SCD: variants seen among roughly 807,000 people sequenced by gnomAD.
SCD encodes the protein acyl-CoA desaturase.
SCD carries 4 observed loss-of-function variants against 35.7 expected under a neutral mutation model. The ratio of observed to expected loss-of-function variants is 0.11; its 90% CI spans 0.06 to 0.26. The LOEUF (loss-of-function observed/expected upper bound fraction) is 0.26. SCD is among the 10% of genes least tolerant of loss of function. SCD has a pLI of 1.00. For synonymous variants in SCD, 150 were observed against 170.2 expected (o/e 0.88, Z 0.92); for missense variants, 282 against 460.7 (o/e 0.61, Z 3.55).
chr10:100,355,480 T>C (rs768904281), intron 4 of SCD, among the ~76,000 whole-genome samples: 1 of 152,200 alleles, frequency 6.6e-6, no homozygotes, highest in Non-Finnish European at 1.5e-5. Flanking sequence ...CTAATGCCAT[T>C]CTTGTCGAGT....
In SCD at chr10:100,359,368, T is replaced by C. The variant is rs117182107; in HGVS notation, c.881-1366T>C. Among the ~76,000 whole-genome samples, 4 of 152,300 alleles carry C rather than the reference T, an allele frequency of 2.6e-5. No individual in the cohort carries two copies. In the East Asian group the frequency reaches 7.7e-4, roughly 29 times the overall value. On this transcript the variant is annotated intron_variant, in intron 5 of 5. Coordinates refer to ENST00000370355, the MANE Select transcript of SCD (RefSeq NM_005063.5). The stretch of plus-strand genomic sequence containing the variant: ...TTAACCTTCTCCCTTGAGCCTTTCT[T>C]GGGCTGTCTCTTGCTGCCCCAGTTG...
intron 2 of SCD, among the ~76,000 whole-genome samples, chr10:100,348,574 T>C (rs1338195320): frequency 8.5e-6 from 1 of 117,290 alleles, no homozygotes; most frequent in East Asian, 2.6e-4. Context: ...CTTGTGCTTG[T>C]GGGCTTTGAA....
At chr10:100,357,819 G>A (rs1262701037) in intron 5 of SCD, among the ~76,000 whole-genome samples, 1 of 151,944 alleles carries the variant, frequency 6.6e-6, no homozygotes, top group Non-Finnish European at 1.5e-5. Context: ...CCAAGGCCCT[G>A]AATGAATTTT....
At chr10:100,354,942 G>GTT (rs1849912689) in intron 4 of SCD, among the ~76,000 whole-genome samples, 2 of 152,114 alleles carry the variant, frequency 1.3e-5, no homozygotes, top group African/African-American at 4.8e-5. Context: ...TTGTTTTTGT[G>GTT]TTTGTGTTTC....
chr10:100,353,361 A>G (rs11190481), intron 3 of SCD, among the ~76,000 whole-genome samples: 17,331 of 152,118 alleles, frequency 0.11, 1,582 homozygotes, highest in African/African-American at 0.26. Context: ...CGAGGTGGGC[A>G]GATCACAAGG....
intron 5 of SCD, among the ~76,000 whole-genome samples, chr10:100,360,113 G>T (rs1849974620): frequency 6.6e-6 from 1 of 152,316 alleles, no homozygotes; most frequent in African/African-American, 2.4e-5. Flanking sequence ...CCTTTCTTCT[G>T]ATCTTTGGCT....
chr10:100,360,435 G>A (rs1025395866), intron 5 of SCD, among the ~76,000 whole-genome samples: 1 of 152,182 alleles, frequency 6.6e-6, no homozygotes, highest in Admixed American at 6.5e-5. Context: ...CACTCCTTAA[G>A]ATGCCTTTGA....
At chr10:100,353,582 CAAAAAA>C (rs35108206) in intron 3 of SCD, among the ~76,000 whole-genome samples, 1 of 106,444 alleles carries the variant, frequency 9.4e-6, no homozygotes, top group East Asian at 2.6e-4. Flanking sequence ...GACTCCATCT[CAAAAAA>C]AAAAAAAAAA....
intron 3 of SCD, among the ~76,000 whole-genome samples, chr10:100,353,521 C>G (rs3793765): frequency 0.1 from 14,878 of 148,212 alleles, 801 homozygotes; most frequent in East Asian, 0.15. Context: ...GGAGGCAGAG[C>G]TTGCAGTGAG....
chr10:100,352,225 A>T lies in SCD; in HGVS notation c.311-141A>T, dbSNP rs1849879523. On this transcript the variant is annotated intron_variant, in intron 2 of 5. Coordinates refer to ENST00000370355, the MANE Select transcript of SCD (RefSeq NM_005063.5). This position sits in a 1 kb window ranked among gnomAD's most constrained non-coding sequence, Gnocchi z 4.2. The stretch of plus-strand genomic sequence containing the variant: ...GTGGTAAAATCTAAGGGATGTGGTT[A>T]TCCCTAGAGTTCATGGTAAAGCCAG... The T allele has an allele frequency of 1.4e-6, 1 of 694,330 alleles. No homozygotes were observed. Among genetic ancestry groups the T allele is most frequent in the East Asian group, 2.8e-5 (1 of 35,512 alleles). 43.0% of individuals were successfully genotyped at this position (694,330 alleles called of 1,614,324 possible).
chr10:100,355,205 C>A (rs1398506268), intron 4 of SCD, among the ~76,000 whole-genome samples: 1 of 152,160 alleles, frequency 6.6e-6, no homozygotes, highest in African/African-American at 2.4e-5. Flanking sequence ...AGCCAAGTAT[C>A]CAGATAACCA....
At chr10:100,353,894 A>G (rs1338951678) in intron 3 of SCD, among the ~76,000 whole-genome samples, 1 of 152,252 alleles carries the variant, frequency 6.6e-6, no homozygotes, top group African/African-American at 2.4e-5. Context: ...GAAGAAGCCC[A>G]GAGGTCGTTT....
chr10:100,357,865 A>G (rs1849944667), intron 5 of SCD, among the ~76,000 whole-genome samples: 1 of 152,156 alleles, frequency 6.6e-6, no homozygotes, highest in Non-Finnish European at 1.5e-5. Flanking sequence ...CTTTCCAGTA[A>G]TTGGTGCTAT....
rs1850024196 is a variant in SCD, at chr10:100,364,745, A to G, written c.*3812A>G. ...CTTGTGACAAGAATAATTTTGGAAT[A>G]ATTTCTATTAATATCAACTCTGAAG... is the stretch of plus-strand genomic sequence containing the variant. On this transcript the variant is annotated 3_prime_UTR_variant, in exon 6 of 6. Coordinates refer to ENST00000370355, the MANE Select transcript of SCD (RefSeq NM_005063.5). The G allele has an allele frequency of 1.3e-5, 2 of 152,624 alleles. No individual in the cohort carries two copies. The highest frequency in any genetic ancestry group is 2.4e-5 in the African/African-American group (1 of 41,434). 9.5% of individuals were successfully genotyped at this position (152,624 alleles called of 1,614,324 possible).
At chr10:100,354,246 A>C (rs1849902607) in intron 3 of SCD, among the ~76,000 whole-genome samples, 181 bp from the exon 4 acceptor site, 1 of 152,246 alleles carries the variant, frequency 6.6e-6, no homozygotes, top group South Asian at 2.1e-4. Flanking sequence ...TTTTCTACTT[A>C]AGCTTCAGTG....
Position 100,363,995 on chromosome 10 carries a change from A to T in SCD, c.*3062A>T, listed in dbSNP as rs577186805. 2 of 152,700 alleles carry T rather than the reference A, an allele frequency of 1.3e-5. No individual in the cohort carries two copies. Among genetic ancestry groups the T allele is most frequent in the African/African-American group, 2.4e-5 (1 of 41,562 alleles). 9.5% of individuals were successfully genotyped at this position (152,700 alleles called of 1,614,324 possible). A position where few individuals can be genotyped will look rare whatever the true frequency, so the allele number is the denominator to read the frequency against. On this transcript the variant is annotated 3_prime_UTR_variant, in exon 6 of 6. Coordinates refer to ENST00000370355, the MANE Select transcript of SCD (RefSeq NM_005063.5). ...AAAGGGGCCTGAGTGGAGGATTATC[A>T]GTATCACGATTTGCAGGATTCCCTT...
chr10:100,353,777 A>C (rs1317470249), intron 3 of SCD, among the ~76,000 whole-genome samples: 1 of 152,316 alleles, frequency 6.6e-6, no homozygotes, highest in African/African-American at 2.4e-5. Context: ...TTGCATGATC[A>C]TCTCTGCCAT....
intron 5 of SCD, 74 bp from the exon 6 acceptor site, chr10:100,360,660 C>A: frequency 7.7e-7 from 1 of 1,292,110 alleles, no homozygotes; most frequent in Non-Finnish European, 1.1e-6. Flanking sequence ...AGGTACCCTG[C>A]TAGCTAACTG....
chr10:100,347,513 C>T lies in SCD; in HGVS notation c.9C>T (p.Ala3=), dbSNP rs1169826987. ...GGCATCCGAGAGCCAAGATGCCGGC[C>T]CACTTGCTGCAGGACGATGTGAGTT... MP[A]HLLQDDISSS... is the part of the protein sequence containing the mutation. The change falls in exon 1 of 6, where the codon GCC becomes GCT. Residue 3 remains alanine (A), a synonymous_variant. Coordinates refer to ENST00000370355, the MANE Select transcript of SCD (RefSeq NM_005063.5). The T allele has an allele frequency of 6.2e-7, 1 of 1,613,854 alleles. No homozygotes were observed. Among genetic ancestry groups the T allele is most frequent in the Non-Finnish European group, 8.5e-7 (1 of 1,179,994 alleles).
Sources: gnomAD v4.1 joint callset for allele counts (sites outside exome capture counted in the v4.1 genomes callset) on GRCh38, gnomAD v4.1.1 for gene constraint, Gnocchi (gnomAD v3.1) non-coding constraint, MANE v1.5 for transcripts, NCBI Gene and HGNC (gene_info 2026-07-23, HGNC 2026-07-21) for gene names.